Variants in KCNN2 observed in about 807,000 individuals in gnomAD.
KCNN2 encodes the protein potassium calcium-activated channel subfamily N member 2.
Under a neutral mutation model 55.5 loss-of-function variants are expected in KCNN2, and 24 were observed. That is an observed-to-expected ratio of 0.43 (90% confidence interval 0.31 to 0.61). KCNN2 has a LOEUF of 0.61. KCNN2 is among the 20% of genes least tolerant of loss of function. The pLI is 0.08. For missense variants in KCNN2, 754 were observed against 853.6 expected, an observed-to-expected ratio of 0.88 and a Z score of 1.45; for synonymous variants, 431 against 336.1, an observed-to-expected ratio of 1.28 and a Z score of -3.09.
chr5:114,460,414 T>C (rs2150112622), intron 3 of KCNN2, among the ~76,000 whole-genome samples: 1 of 152,218 alleles, frequency 6.6e-6, no homozygotes, highest in South Asian at 2.1e-4. Context: ...GGCTAACTTT[T>C]GCATTTTTAG....
chr5:114,265,690 A>G (rs778379220), intron 2 of KCNN2, among the ~76,000 whole-genome samples: 24 of 152,272 alleles, frequency 1.6e-4, no homozygotes, highest in Middle Eastern at 3.4e-3. Context: ...TCAAATGCTA[A>G]TCTTATCCCA....
At chr5:114,301,447 A>G (rs1201654795) in intron 2 of KCNN2, among the ~76,000 whole-genome samples, 2 of 152,110 alleles carry the variant, frequency 1.3e-5, no homozygotes, top group Non-Finnish European at 2.9e-5. Context: ...TTTTCTCTGT[A>G]TACAAAAAGC....
intron 5 of KCNN2, among the ~76,000 whole-genome samples, chr5:114,479,514 CAG>C (rs1354368880): frequency 1.3e-5 from 2 of 152,234 alleles, no homozygotes; most frequent in Non-Finnish European, 2.9e-5. Flanking sequence ...AAAATTGTAA[CAG>C]AGATATTCAG....
intron 2 of KCNN2, among the ~76,000 whole-genome samples, chr5:114,293,242 G>T (rs1388321729): frequency 6.6e-6 from 1 of 152,156 alleles, no homozygotes; most frequent in African/African-American, 2.4e-5. Flanking sequence ...AATAGGAGTG[G>T]TGAGAGAGGG....
intron 2 of KCNN2, among the ~76,000 whole-genome samples, chr5:114,366,270 T>C (rs898801003): frequency 6.6e-6 from 1 of 152,226 alleles, no homozygotes; most frequent in African/African-American, 2.4e-5. Flanking sequence ...ACAGTGAACT[T>C]CCTTACTGTT....
chr5:114,275,022 T>C (rs950639135), intron 2 of KCNN2, among the ~76,000 whole-genome samples: 1 of 152,210 alleles, frequency 6.6e-6, no homozygotes, highest in African/African-American at 2.4e-5. Context: ...ATACCTAGTT[T>C]ATTGTGAGTT....
chr5:114,489,419 CTT>C (rs758147417), intron 6 of KCNN2, among the ~76,000 whole-genome samples: 3 of 152,042 alleles, frequency 2.0e-5, no homozygotes, highest in Admixed American at 6.6e-5. Context: ...CACGGGGTCT[CTT>C]AGCATATTGT....
intron 1 of KCNN2, among the ~76,000 whole-genome samples, chr5:114,196,962 T>G (rs928700010): frequency 6.6e-6 from 1 of 152,126 alleles, no homozygotes; most frequent in Non-Finnish European, 1.5e-5. Flanking sequence ...TCTCAATTTC[T>G]AATAGAAGCA....
At chr5:114,478,092 GGA>G (rs2150129035) in intron 5 of KCNN2, among the ~76,000 whole-genome samples, 1 of 152,270 alleles carries the variant, frequency 6.6e-6, no homozygotes, top group South Asian at 2.1e-4. Flanking sequence ...AAGGAAAACT[GGA>G]GAGAGAGGTT....
chr5:114,301,252 T>C (rs1339047111), intron 2 of KCNN2, among the ~76,000 whole-genome samples: 1 of 152,160 alleles, frequency 6.6e-6, no homozygotes, highest in African/African-American at 2.4e-5. Flanking sequence ...TTTGTCTTTG[T>C]ATCCTTTTCT....
intron 2 of KCNN2, among the ~76,000 whole-genome samples, chr5:114,335,028 A>G (rs1756896281): frequency 6.6e-6 from 1 of 151,916 alleles, no homozygotes; most frequent in South Asian, 2.1e-4. Flanking sequence ...GGTTCACGCC[A>G]TTCTCCTGCC....
intron 2 of KCNN2, among the ~76,000 whole-genome samples, chr5:114,267,773 C>A (rs1462545148): frequency 6.6e-6 from 1 of 152,242 alleles, no homozygotes; most frequent in Admixed American, 6.5e-5. Context: ...TAATTTCATA[C>A]CCTGCTAATA....
chr5:114,343,696 T>C (rs1757057751), intron 2 of KCNN2, among the ~76,000 whole-genome samples: 1 of 148,884 alleles, frequency 6.7e-6, no homozygotes, highest in African/African-American at 2.5e-5. Context: ...ATGCATGGTG[T>C]GGGGGGAACA....
At chr5:114,400,125 T>C (rs1300782201) in intron 2 of KCNN2, among the ~76,000 whole-genome samples, 3 of 152,102 alleles carry the variant, frequency 2.0e-5, no homozygotes, top group African/African-American at 7.2e-5. Context: ...CAGTTCAGCC[T>C]GGATTTTGGT....
chr5:114,289,307 T>G (rs1318530181), intron 2 of KCNN2, among the ~76,000 whole-genome samples: 1 of 152,138 alleles, frequency 6.6e-6, no homozygotes, highest in Non-Finnish European at 1.5e-5. Flanking sequence ...CAAGATCATT[T>G]TGGCTGTTTG....
chr5:114,111,134 A>G (rs555053606), intron 1 of KCNN2, among the ~76,000 whole-genome samples: 39 of 152,286 alleles, frequency 2.6e-4, no homozygotes, highest in African/African-American at 8.9e-4. Context: ...AAACAGATAT[A>G]TAGACCAATG....
intron 7 of KCNN2, 94 bp from the exon 8 acceptor site, chr5:114,495,801 C>A: frequency 8.2e-7 from 1 of 1,214,370 alleles, no homozygotes; most frequent in Non-Finnish European, 1.2e-6. Context: ...ACACTGAATG[C>A]CACCAGCAAG....
chr5:114,150,392 C>T (rs1017653209), intron 1 of KCNN2, among the ~76,000 whole-genome samples: 4 of 152,184 alleles, frequency 2.6e-5, no homozygotes, highest in African/African-American at 9.7e-5. Flanking sequence ...ACCAGTAAAA[C>T]TTTCTTCACT....
At chr5:114,126,686 A>C (rs1309220645) in intron 1 of KCNN2, among the ~76,000 whole-genome samples, 1 of 152,174 alleles carries the variant, frequency 6.6e-6, no homozygotes, top group Non-Finnish European at 1.5e-5. Flanking sequence ...ATGCCTTTCC[A>C]ACAAAGCCTT....
Sources: allele counts gnomAD v4.1 joint callset (sites outside exome capture counted in the v4.1 genomes callset), GRCh38; gene constraint gnomAD v4.1.1; transcripts MANE v1.5; gene names NCBI Gene and HGNC (gene_info 2026-07-23, HGNC 2026-07-21).